Variants in CLTRN observed in about 807,000 individuals in gnomAD.
CLTRN encodes the protein collectrin, amino acid transport regulator.
In CLTRN, 12 loss-of-function variants were observed where a neutral mutation model predicts 14.5. That is an observed-to-expected ratio of 0.83 (90% confidence interval 0.53 to 1.34). The LOEUF (loss-of-function observed/expected upper bound fraction) is 1.34. CLTRN is among the 40% of genes most tolerant of loss of function. The probability of loss-of-function intolerance (pLI) is 0.00; values close to 1 mark genes in which losing one functional copy is unlikely to be tolerated. For missense variants in CLTRN, 154 were observed against 165.1 expected (o/e 0.93, Z 0.37); for synonymous variants, 58 against 56.5 (o/e 1.03, Z -0.12).
chrX:15,628,371 G>A (rs1345693087), intron 5 of CLTRN, among the ~76,000 whole-genome samples: 1 of 111,567 alleles, frequency 9.0e-6, no homozygotes, highest in Non-Finnish European at 1.9e-5. Flanking sequence ...CAACACAAGT[G>A]GTCTTATTCA....
At chrX:15,665,099 T>C, upstream of CLTRN, 1 of 223,646 alleles carries the variant, frequency 4.5e-6, no homozygotes, top group Non-Finnish European at 8.0e-6. Flanking sequence ...TGGTTACGTG[T>C]ATGATGGGAA....
chrX:15,668,892 T>TCTAGTATC (rs1241829861), upstream of CLTRN, among the ~76,000 whole-genome samples: 1 of 112,189 alleles, frequency 8.9e-6, no homozygotes, highest in African/African-American at 3.2e-5. Context: ...GTTAAGATTT[T>TCTAGTATC]CTAGTATCCT....
Position 15,664,416 on chromosome X carries a change from A to T in CLTRN, c.59-21T>A, listed in dbSNP as rs113351343. 0.011 allele frequency: 13,052 copies of T among 1,157,025 alleles called. 824 individuals carry two copies. The African/African-American group carries it at 0.19, about 17-fold the overall frequency. On this transcript the variant is annotated intron_variant, in intron 1 of 5. Transcript: ENST00000380342. ...TGCACCTGCCAGAAAAGAAAAAAGA[A>T]AGAGCAGTATATGATGATTAGGATC... is the stretch of plus-strand genomic sequence containing the variant.
chrX:15,668,288 TG>T (rs1286015557), upstream of CLTRN, among the ~76,000 whole-genome samples: 2 of 111,985 alleles, frequency 1.8e-5, no homozygotes, highest in Non-Finnish European at 3.8e-5. Flanking sequence ...GACGCACCCT[TG>T]TCTTCTTCTT....
chrX:15,652,244 C>T (rs1929234587), intron 3 of CLTRN, among the ~76,000 whole-genome samples: 1 of 111,967 alleles, frequency 8.9e-6, no homozygotes, highest in African/African-American at 3.2e-5. Flanking sequence ...TTGAGCTAAA[C>T]ATGTCTTTTT....
At chrX:15,661,431 G>A (rs1005758068) in intron 2 of CLTRN, among the ~76,000 whole-genome samples, 3 of 111,908 alleles carry the variant, frequency 2.7e-5, no homozygotes, top group Non-Finnish European at 5.6e-5. Context: ...CAGAACTGAT[G>A]CAGTTCTAGA....
intron 3 of CLTRN, among the ~76,000 whole-genome samples, chrX:15,654,804 C>G (rs766692004): frequency 2.7e-5 from 3 of 112,379 alleles, no homozygotes; most frequent in Admixed American, 1.9e-4. Context: ...AGTCCTCATT[C>G]GAATCTCAGT....
At chrX:15,675,413 T>C (rs966212861), upstream of CLTRN, 6 of 54,309 alleles carry the variant, frequency 1.1e-4, no homozygotes, top group East Asian at 2.1e-3. Flanking sequence ...CGCAGAGACG[T>C]GCCTCGAACG....
At position 15,664,655 on chromosome X, in the gene CLTRN, G is replaced by C. The variant is rs747101375; in HGVS notation, c.58+63C>G. 9.3e-5 allele frequency: 96 copies of C among 1,031,116 alleles called. No individual in the cohort carries two copies. In the South Asian group the frequency reaches 1.8e-3, roughly 19 times the overall value. The allele number at this position is 1,031,116 out of a possible 1,213,427, so 85.0% of individuals were successfully genotyped here. On this transcript the variant is annotated intron_variant, in intron 1 of 5. Transcript: ENST00000380342. ...TTTAGAAAAATAAAGAGTTCTTTCA[G>C]TCGATGACTTGTCAAACATGTAGAA...
chrX:15,650,986 A>G (rs1929200314), intron 3 of CLTRN, among the ~76,000 whole-genome samples: 1 of 111,583 alleles, frequency 9.0e-6, no homozygotes, highest in East Asian at 2.8e-4. Context: ...GGCCTCCCCA[A>G]GAGTAAGAAA....
chrX:15,646,058 T>G (rs1282970486), intron 3 of CLTRN: 1 of 118,259 alleles, frequency 8.5e-6, no homozygotes, highest in Non-Finnish European at 1.8e-5. Flanking sequence ...GGTACAAAAG[T>G]AGAGGCAGCT....
At chrX:15,651,164 T>C (rs776349948) in intron 3 of CLTRN, among the ~76,000 whole-genome samples, 2 of 111,585 alleles carry the variant, frequency 1.8e-5, no homozygotes, top group South Asian at 3.8e-4. Flanking sequence ...TGCACCTCAA[T>C]AGACAGGCCT....
intron 1 of CLTRN, among the ~76,000 whole-genome samples, chrX:15,673,964 T>C (rs1929767320): frequency 8.9e-6 from 1 of 112,594 alleles, no homozygotes; most frequent in African/African-American, 3.2e-5. Flanking sequence ...CCAGCACTTA[T>C]CAAGTCCTTT....
intron 3 of CLTRN, chrX:15,646,612 G>A (rs1929079742): frequency 2.9e-6 from 1 of 339,922 alleles, no homozygotes; most frequent in Non-Finnish European, 5.9e-6. Flanking sequence ...CCTCCCAGCT[G>A]GGACTACGCC....
intron 3 of CLTRN, among the ~76,000 whole-genome samples, chrX:15,655,602 T>G (rs1445124781): frequency 8.9e-6 from 1 of 111,894 alleles, no homozygotes; most frequent in Admixed American, 9.4e-5. Context: ...AAGTGCAGAC[T>G]GCTCAAAAAA....
At chrX:15,633,315 T>C (rs1270155041) in intron 5 of CLTRN, among the ~76,000 whole-genome samples, 1 of 112,434 alleles carries the variant, frequency 8.9e-6, no homozygotes, top group Non-Finnish European at 1.9e-5. Flanking sequence ...ATTATCACTG[T>C]TTTTCAAATC....
intron 2 of CLTRN, among the ~76,000 whole-genome samples, chrX:15,661,696 C>T (rs1929511530): frequency 9.0e-6 from 1 of 111,674 alleles, no homozygotes; most frequent in South Asian, 3.7e-4. Context: ...GGGTAAATAC[C>T]CCCAAAAAAG....
chrX:15,639,412 G>A (rs899673012), intron 5 of CLTRN, 150 bp downstream of exon 5: 4 of 500,596 alleles, frequency 8.0e-6, no homozygotes, highest in Non-Finnish European at 1.3e-5. Context: ...AAAGAAAAGA[G>A]CATAAGTGAT....
At chrX:15,664,281 A>G in intron 2 of CLTRN, 56 bp downstream of exon 2, 1 of 922,043 alleles carries the variant, frequency 1.1e-6, no homozygotes, top group South Asian at 2.4e-5. Flanking sequence ...TATTAGAGAA[A>G]GCACAGTGTT....
Sources: gnomAD v4.1 joint callset for allele counts (sites outside exome capture counted in the v4.1 genomes callset) on GRCh38, gnomAD v4.1.1 for gene constraint, MANE v1.5 for transcripts, NCBI Gene and HGNC (gene_info 2026-07-23, HGNC 2026-07-21) for gene names.